RESF1: variants seen among roughly 807,000 people sequenced by gnomAD.
The protein encoded by RESF1 is gonad expressed transcript.
Under a neutral mutation model 134.7 loss-of-function variants are expected in RESF1, and 65 were observed. That is an observed-to-expected ratio of 0.48 (90% CI 0.40 to 0.59). The LOEUF is 0.59. Among genes scored for constraint, RESF1 ranks in the 20% least tolerant of loss-of-function variants. The probability of loss-of-function intolerance (pLI) is 0.00; values close to 1 mark genes in which losing one functional copy is unlikely to be tolerated. For synonymous variants in RESF1, 762 were observed against 702.2 expected, an observed-to-expected ratio of 1.09 and a Z score of -1.35; for missense variants, 2,274 against 2,002.7, an observed-to-expected ratio of 1.14 and a Z score of -2.59.
At chr12:31,972,745 C>T (rs1042813527) in intron 3 of RESF1, among the ~76,000 whole-genome samples, 7 of 152,172 alleles carry the variant, frequency 4.6e-5, no homozygotes, top group African/African-American at 1.7e-4. Context: ...CACTGCAGAA[C>T]TGATTGCTTG....
At chr12:31,990,075 T>C (rs1940065051) in intron 5 of RESF1, among the ~76,000 whole-genome samples, 1 of 152,060 alleles carries the variant, frequency 6.6e-6, no homozygotes, top group Non-Finnish European at 1.5e-5. Flanking sequence ...AAAAAGCTCC[T>C]TGGAAACAGG....
At chr12:31,959,692 C>T (rs1324226265) in intron 1 of RESF1, 3 of 151,126 alleles carry the variant, frequency 2.0e-5, no homozygotes, top group East Asian at 1.9e-4. Flanking sequence ...TCCCGCCGTC[C>T]GCCCACCGGA....
chr12:31,983,321 A>G lies in RESF1; in HGVS notation c.2366A>G (p.Tyr789Cys), dbSNP rs771188313. The part of the protein sequence containing the change: ...ITPAVLPETV[Y>C]PVIKEGSVCS... Reference sequence around the variant, plus strand: ...CCTGCAGTGTTACCTGAAACAGTGTATCCCGTTATTAAAGAAGGCAGTGTT... The same window carrying G: ...CCTGCAGTGTTACCTGAAACAGTGTGTCCCGTTATTAAAGAAGGCAGTGTT... The change falls in exon 4 of 6, where the codon TAT becomes TGT. Residue 789 changes from tyrosine (Y) to cysteine (C), a missense_variant. Tyr to Cys is a radical substitution (Grantham distance 194, BLOSUM62 -2). Coordinates refer to ENST00000312561, the MANE Select transcript of RESF1 (RefSeq NM_018169.4). 6.8e-6 allele frequency: 11 copies of G among 1,614,150 alleles called. No individual in the cohort carries two copies. The highest frequency in any genetic ancestry group is 9.3e-6 in the Non-Finnish European group (11 of 1,180,020).
intron 5 of RESF1, among the ~76,000 whole-genome samples, chr12:31,991,088 G>C (rs1473723179): frequency 6.6e-6 from 1 of 151,788 alleles, no homozygotes; most frequent in East Asian, 1.9e-4. Context: ...GGTCCCAGCT[G>C]CTTGGCAGAC....
At chr12:31,977,886 A>C (rs766680465) in intron 3 of RESF1, among the ~76,000 whole-genome samples, 1 of 148,842 alleles carries the variant, frequency 6.7e-6, no homozygotes, top group Non-Finnish European at 1.5e-5. Flanking sequence ...GCTCACTGCA[A>C]CCTCCACCTC....
intron 3 of RESF1, among the ~76,000 whole-genome samples, chr12:31,979,693 A>G (rs1366042480): frequency 6.7e-6 from 1 of 150,372 alleles, no homozygotes; most frequent in Non-Finnish European, 1.5e-5. Context: ...GACTACGGGC[A>G]TGCACCACCA....
Position 31,983,258 on chromosome 12 carries a change from T to C in RESF1, c.2303T>C (p.Leu768Pro), listed in dbSNP as rs1256519619. ...LQIAVVSPLV[L>P]SEVKTLSVKG... ...ATAGCTGTAGTGTCACCGTTAGTTCTGTCAGAGGTCAAAACATTGTCTGTC... is the reference window on the plus strand; with the variant it reads ...ATAGCTGTAGTGTCACCGTTAGTTCCGTCAGAGGTCAAAACATTGTCTGTC... Residue 768 changes from leucine to proline, a missense_variant, in exon 4 of 6, where the codon CTG (leucine) becomes CCG (proline). Physicochemically the swap from Leu to Pro is moderately conservative, Grantham distance 98. Transcript: ENST00000312561. The C allele has an allele frequency of 6.2e-7, 1 of 1,612,530 alleles. No individual in the cohort carries two copies. The highest frequency in any genetic ancestry group is 2.2e-5 in the East Asian group (1 of 44,870).
At position 31,984,757 on chromosome 12, in the gene RESF1, C is replaced by T. The variant is rs1177462886; in HGVS notation, c.3802C>T (p.Pro1268Ser). The T allele has an allele frequency of 6.2e-7, 1 of 1,612,152 alleles. No individual in the cohort carries two copies. Among genetic ancestry groups the T allele is most frequent in the Non-Finnish European group, 8.5e-7 (1 of 1,179,642 alleles). ...DTPKTKHKSL[P>S]RTEQELVAGQ... The stretch of plus-strand genomic sequence containing the variant: ...ACCCAAAACAAAACATAAAAGCTTA[C>T]CAAGGACAGAACAAGAATTAGTTGC... Residue 1268 changes from proline (P) to serine (S), a missense_variant, in exon 4 of 6, where the codon CCA (proline) becomes TCA (serine). Physicochemically the swap from Pro to Ser is moderately conservative, Grantham distance 74 (BLOSUM62 -1). Coordinates refer to ENST00000312561, the MANE Select transcript of RESF1 (RefSeq NM_018169.4).
chr12:31,972,085 G>A (rs529456124), intron 3 of RESF1, among the ~76,000 whole-genome samples: 2 of 152,156 alleles, frequency 1.3e-5, no homozygotes, highest in African/African-American at 4.8e-5. Context: ...TACCCAGGGA[G>A]GGCATGGAAA....
intron 5 of RESF1, among the ~76,000 whole-genome samples, chr12:31,989,386 A>T (rs1940047720): frequency 1.0e-5 from 1 of 99,212 alleles, no homozygotes; most frequent in South Asian, 3.8e-4. Flanking sequence ...ACAGAGAGAG[A>T]GTCTTGTCTC....
Position 31,992,530 on chromosome 12 carries a change from A to G in RESF1, c.5239A>G (p.Lys1747Glu). 6.2e-7 allele frequency: 1 copy of G among 1,612,588 alleles called. No individual in the cohort carries two copies. The highest frequency in any genetic ancestry group is 8.5e-7 in the Non-Finnish European group (1 of 1,179,570). ...RSRSLGSSPV[K>E] The stretch of plus-strand genomic sequence containing the variant: ...CAGAAGCCTTGGTAGCAGTCCTGTA[A>G]AATAATTACAAGATGTGGTTTTGTA... The change falls in exon 6 of 6, where the codon AAA (lysine) becomes GAA (glutamate). Residue 1747 changes from lysine to glutamate, a missense_variant. Physicochemically the swap from Lys to Glu is moderately conservative, Grantham distance 56. Transcript: ENST00000312561.
intron 5 of RESF1, among the ~76,000 whole-genome samples, chr12:31,990,662 A>T (rs1334123340): frequency 1.3e-5 from 2 of 152,162 alleles, no homozygotes; most frequent in East Asian, 3.9e-4. Context: ...GCTGATCTTG[A>T]ACTCCAACCT....
chr12:31,971,032 A>G (rs1029083047), intron 3 of RESF1, among the ~76,000 whole-genome samples: 2 of 152,172 alleles, frequency 1.3e-5, no homozygotes, highest in African/African-American at 2.4e-5. Context: ...AACAGTGCAT[A>G]TATGTTTGTA....
At position 31,992,661 on chromosome 12, in the gene RESF1, G is replaced by T; in HGVS notation, c.*126G>T. On this transcript the variant is annotated 3_prime_UTR_variant, in exon 6 of 6. Coordinates refer to ENST00000312561, the MANE Select transcript of RESF1 (RefSeq NM_018169.4). ...TCAGAGTTTGGTTCCCACTTTCATT[G>T]TATTTCATTGAAAGTGCTTAATTAA... The T allele has an allele frequency of 1.0e-6, 1 of 996,848 alleles. No individual in the cohort carries two copies. The highest frequency in any genetic ancestry group is 1.5e-6 in the Non-Finnish European group (1 of 650,558). 61.8% of individuals were successfully genotyped at this position (996,848 alleles called of 1,614,324 possible).
chr12:31,971,747 G>C (rs568085191), intron 3 of RESF1, among the ~76,000 whole-genome samples: 8 of 152,278 alleles, frequency 5.3e-5, no homozygotes, highest in African/African-American at 1.9e-4. Flanking sequence ...TGGAGGGCTG[G>C]TCACCTGAAA....
At chr12:31,978,915 C>G (rs1939702576) in intron 3 of RESF1, among the ~76,000 whole-genome samples, 1 of 141,110 alleles carries the variant, frequency 7.1e-6, no homozygotes, top group Non-Finnish European at 1.5e-5. Flanking sequence ...TTGAAATGAT[C>G]TCATGATTTT....
At chr12:31,987,765 T>G (rs1940007904) in intron 5 of RESF1, among the ~76,000 whole-genome samples, 1 of 152,058 alleles carries the variant, frequency 6.6e-6, no homozygotes, top group Non-Finnish European at 1.5e-5. Context: ...AGACAGAGTC[T>G]CACTCTGTCA....
chr12:31,992,866 T>TG lies in RESF1; in HGVS notation c.*331_*332insG, dbSNP rs1940126466. On this transcript the variant is annotated 3_prime_UTR_variant, in exon 6 of 6. Transcript: ENST00000312561. ...GGAGGACCGTTCCTCAGTTAAGGAC[T>TG]TGTTTATTTAAATGGGACTGTAAAT... 3.9e-6 allele frequency: 1 copy of TG among 258,636 alleles called. No homozygotes were observed. Among genetic ancestry groups the TG allele is most frequent in the African/African-American group, 2.3e-5 (1 of 43,252 alleles). The allele number at this position is 258,636 out of a possible 1,614,324, so 16.0% of individuals were successfully genotyped here.
Position 31,984,330 on chromosome 12 carries a change from C to G in RESF1, c.3375C>G (p.Pro1125=), listed in dbSNP as rs762766177. 9 of 1,613,850 alleles carry G rather than the reference C, an allele frequency of 5.6e-6. No individual in the cohort carries two copies. Among genetic ancestry groups the G allele is most frequent in the African/African-American group, 4.0e-5 (3 of 74,886 alleles). Residue 1125 remains proline, a synonymous_variant, in exon 4 of 6, where the codon CCC becomes CCG. Transcript: ENST00000312561. ...KEIFPEQDDQ[P]YVVDKLAEPQ... ...TATTTCCTGAACAGGATGATCAACC[C>G]TATGTAGTAGACAAGTTGGCAGAAC...
Sources: gnomAD v4.1 joint callset for allele counts (sites outside exome capture counted in the v4.1 genomes callset) on GRCh38, gnomAD v4.1.1 for gene constraint, MANE v1.5 for transcripts, NCBI Gene and HGNC (gene_info 2026-07-23, HGNC 2026-07-21) for gene names.